TRPS1: variants seen among roughly 807,000 people sequenced by gnomAD.
The protein encoded by TRPS1 is transcriptional repressor GATA binding 1.
TRPS1 carries 6 observed loss-of-function variants against 101.2 expected under a neutral mutation model. The observed-to-expected ratio is 0.06, with a 90% CI of 0.03 to 0.12. The LOEUF (loss-of-function observed/expected upper bound fraction) is 0.12. Among genes scored for constraint, TRPS1 ranks in the 10% least tolerant of loss-of-function variants. The pLI is 1.00. For synonymous variants in TRPS1, 578 were observed against 589.8 expected (o/e 0.98, Z 0.29); for missense variants, 1,363 against 1,567.0 (o/e 0.87, Z 2.20).
rs377192542 is a variant in TRPS1 at position 115,604,552 on chromosome 8, C to G, written c.1417G>C (p.Gly473Arg). ...KLLEHYGKQH[G>R]AVQSGGLNPE... Reference sequence around the variant, plus strand: ...TTAAGGCCGCCTGACTGCACTGCTCCGTGCTGCTTGCCATAATGTTCTAGC... The same window carrying G: ...TTAAGGCCGCCTGACTGCACTGCTCGGTGCTGCTTGCCATAATGTTCTAGC... The change falls in exon 4 of 7, where the codon GGA (glycine) becomes CGA (arginine). Residue 473 changes from glycine (G) to arginine (R), a missense_variant. Physicochemically the swap from Gly to Arg is moderately radical, Grantham distance 125. Transcript: ENST00000395715. This position sits in a 1 kb window ranked among gnomAD's most constrained non-coding sequence, Gnocchi z 4.1. The G allele has an allele frequency of 6.2e-7, 1 of 1,614,020 alleles. No homozygotes were observed. Among genetic ancestry groups the G allele is most frequent in the Non-Finnish European group, 8.5e-7 (1 of 1,179,984 alleles).
intron 5 of TRPS1, among the ~76,000 whole-genome samples, chr8:115,434,640 T>C (rs1394327297): frequency 4.6e-5 from 7 of 152,218 alleles, no homozygotes; most frequent in Non-Finnish European, 1.0e-4. Flanking sequence ...ATTGGTGTGA[T>C]TCGCCCTTGG....
chr8:115,640,273 G>A (rs1020023115), intron 1 of TRPS1, among the ~76,000 whole-genome samples: 1 of 152,122 alleles, frequency 6.6e-6, no homozygotes, highest in African/African-American at 2.4e-5. Flanking sequence ...CCATCTATAT[G>A]TTAATTGGTA....
intron 5 of TRPS1, among the ~76,000 whole-genome samples, chr8:115,503,664 C>A (rs1815373158): frequency 6.6e-6 from 1 of 152,030 alleles, no homozygotes. Context: ...TGAATGTTTA[C>A]AAAACTAAGA....
At chr8:115,597,195 G>A (rs1817807491) in intron 4 of TRPS1, among the ~76,000 whole-genome samples, 2 of 151,820 alleles carry the variant, frequency 1.3e-5, no homozygotes, top group Non-Finnish European at 2.9e-5. Flanking sequence ...GTAGTCACTG[G>A]GAATATGAAC....
At chr8:115,481,397 ACCCCC>A (rs369741350) in intron 5 of TRPS1, among the ~76,000 whole-genome samples, 1 of 148,316 alleles carries the variant, frequency 6.7e-6, no homozygotes, top group South Asian at 2.2e-4. Flanking sequence ...ATAAAAATCA[ACCCCC>A]CCCCACTCTT....
intron 5 of TRPS1, among the ~76,000 whole-genome samples, chr8:115,529,823 T>C (rs1480017642): frequency 6.6e-6 from 1 of 152,120 alleles, no homozygotes; most frequent in Admixed American, 6.6e-5. Flanking sequence ...CAGCACCTGG[T>C]AAACCAGCAT....
chr8:115,569,419 T>C (rs1261021577), intron 5 of TRPS1, among the ~76,000 whole-genome samples: 1 of 152,152 alleles, frequency 6.6e-6, no homozygotes, highest in Non-Finnish European at 1.5e-5. Context: ...CATGCCTTTA[T>C]AGATTTCAGT....
chr8:115,647,945 C>T (rs559785907), intron 1 of TRPS1, among the ~76,000 whole-genome samples: 95 of 151,748 alleles, frequency 6.3e-4, no homozygotes, highest in Admixed American at 2.6e-3. Context: ...CCAGAGATTT[C>T]CTCCCATAGT....
chr8:115,664,167 G>A (rs1194755924), intron 1 of TRPS1, among the ~76,000 whole-genome samples: 3 of 151,940 alleles, frequency 2.0e-5, no homozygotes, highest in Non-Finnish European at 2.9e-5. Flanking sequence ...ATAGAACAAT[G>A]GTATAAAACA....
intron 1 of TRPS1, among the ~76,000 whole-genome samples, chr8:115,642,599 C>T (rs981943349): frequency 4.6e-5 from 7 of 151,846 alleles, no homozygotes; most frequent in East Asian, 1.9e-4. Context: ...AATAGCAGCA[C>T]CTGCCAACAA....
intron 5 of TRPS1, among the ~76,000 whole-genome samples, chr8:115,440,087 C>T (rs566685323): frequency 5.3e-5 from 8 of 152,268 alleles, no homozygotes; most frequent in Non-Finnish European, 1.0e-4. Context: ...CTGTGTACTA[C>T]GGAAAGCAAA....
Position 115,412,839 on chromosome 8 carries a change from AAGT to A in TRPS1, c.*1181_*1183del, listed in dbSNP as rs1280151003. On this transcript the variant is annotated 3_prime_UTR_variant, in exon 7 of 7. Transcript: ENST00000395715. Reference sequence around the variant, plus strand: ...TCATGGATAGTTTTTACAAAGCCTTAAGTATTAAAAGTTCTATGAGGACATACT... The same window carrying A: ...TCATGGATAGTTTTTACAAAGCCTTAATTAAAAGTTCTATGAGGACATACT... 1.3e-5 allele frequency: 2 copies of A among 152,498 alleles called. No homozygotes were observed. Among genetic ancestry groups the A allele is most frequent in the African/African-American group, 4.8e-5 (2 of 41,416 alleles). 9.4% of individuals were successfully genotyped at this position (152,498 alleles called of 1,614,324 possible).
chr8:115,495,237 A>C (rs543605679), intron 5 of TRPS1, among the ~76,000 whole-genome samples: 2 of 152,276 alleles, frequency 1.3e-5, no homozygotes, highest in Non-Finnish European at 2.9e-5. Context: ...CATCCTCTTT[A>C]AATTCGTTTT....
intron 5 of TRPS1, among the ~76,000 whole-genome samples, chr8:115,498,270 T>C (rs1226868530): frequency 6.6e-6 from 1 of 151,200 alleles, no homozygotes; most frequent in Admixed American, 6.6e-5. Flanking sequence ...TTCCAGCTAC[T>C]GGGAGGCTGA....
intron 5 of TRPS1, among the ~76,000 whole-genome samples, chr8:115,479,069 A>G (rs113586706): frequency 1.3e-5 from 2 of 151,554 alleles, no homozygotes; most frequent in African/African-American, 2.4e-5. Flanking sequence ...TTTTGGGGGG[A>G]AAAATAATAA....
intron 4 of TRPS1, among the ~76,000 whole-genome samples, chr8:115,594,463 C>A (rs1263461326): frequency 6.6e-6 from 1 of 151,988 alleles, no homozygotes; most frequent in Admixed American, 6.6e-5. Flanking sequence ...TAAAATCTCA[C>A]TGTGTCCCAT....
chr8:115,522,071 T>G (rs1197548568), intron 5 of TRPS1, among the ~76,000 whole-genome samples: 2 of 151,966 alleles, frequency 1.3e-5, no homozygotes, highest in Non-Finnish European at 2.9e-5. Context: ...CTGTAGTTTG[T>G]CAGGTTAAAC....
At chr8:115,523,729 T>A (rs1476740954) in intron 5 of TRPS1, among the ~76,000 whole-genome samples, 1 of 152,100 alleles carries the variant, frequency 6.6e-6, no homozygotes, top group Non-Finnish European at 1.5e-5. Flanking sequence ...AGCATGATGA[T>A]AACAATATCC....
intron 1 of TRPS1, among the ~76,000 whole-genome samples, chr8:115,652,711 G>A (rs2049874): frequency 0.49 from 74,171 of 152,106 alleles, 20,891 homozygotes; most frequent in African/African-American, 0.77. Flanking sequence ...AGAATGGTCC[G>A]TAATCAATCT....
Sources: gnomAD v4.1 joint callset for allele counts (sites outside exome capture counted in the v4.1 genomes callset) on GRCh38, gnomAD v4.1.1 for gene constraint, Gnocchi (gnomAD v3.1) non-coding constraint, MANE v1.5 for transcripts, NCBI Gene and HGNC (gene_info 2026-07-23, HGNC 2026-07-21) for gene names.